The following MMS22L variants were observed in gnomAD, a reference collection of about 807,000 sequenced individuals.
MMS22L encodes the protein protein MMS22-like.
In MMS22L, 74 loss-of-function variants were observed where a neutral mutation model predicts 159.1. The ratio of observed to expected loss-of-function variants is 0.47; its 90% CI spans 0.39 to 0.56. The LOEUF (loss-of-function observed/expected upper bound fraction) is 0.56. Among genes scored for constraint, MMS22L ranks in the 20% least tolerant of loss-of-function variants. The probability of loss-of-function intolerance (pLI) is 0.00; values close to 1 mark genes in which losing one functional copy is unlikely to be tolerated. For synonymous variants in MMS22L, 517 were observed against 506.9 expected (o/e 1.02, Z -0.27); for missense variants, 1,351 against 1,422.1 (o/e 0.95, Z 0.80).
intron 14 of MMS22L, among the ~76,000 whole-genome samples, chr6:97,212,366 T>C (rs1808476641): frequency 3.3e-5 from 5 of 152,218 alleles, no homozygotes; most frequent in Admixed American, 3.3e-4. Flanking sequence ...AAGCAATTTA[T>C]GTACTTAAAG....
intron 14 of MMS22L, among the ~76,000 whole-genome samples, chr6:97,213,200 A>C (rs947297138): frequency 2.6e-5 from 4 of 152,164 alleles, no homozygotes; most frequent in African/African-American, 9.7e-5. Flanking sequence ...TGAGGTCGGG[A>C]GTTCAAGACC....
Position 97,151,793 on chromosome 6 carries a change from A to G in MMS22L, c.3460T>C (p.Ser1154Pro), listed in dbSNP as rs1166329371. Reference protein sequence around the residue: ...CQVGSEEEPSSQLTSVFRQFI... With the variant: ...CQVGSEEEPSPQLTSVFRQFI... ...TACCTAAACACAGAAGTCAGCTGGG[A>G]GGAAGGTTCTTCTTCTGACCCCACT... The change falls in exon 23 of 25, where the codon TCC becomes CCC. Residue 1154 changes from serine to proline, a missense_variant. Transcript: ENST00000683635. 2 of 1,613,658 alleles carry G rather than the reference A, an allele frequency of 1.2e-6. No individual in the cohort carries two copies. The highest frequency in any genetic ancestry group is 1.7e-6 in the Non-Finnish European group (2 of 1,179,654).
In MMS22L at chr6:97,232,185, T is replaced by C. The variant is rs773446507; in HGVS notation, c.1303-533A>G. Among the ~76,000 whole-genome samples the C allele has an allele frequency of 3.9e-5, 6 of 152,130 alleles. 1 individual carries two copies. The highest frequency in any genetic ancestry group is 4.1e-4 in the South Asian group (2 of 4,826). ...AGTACTAAGTAGTTCCTATTGCATTTAGTAAAAAGGCACATAAGTTCTGAC... is the reference window on the plus strand; with the variant it reads ...AGTACTAAGTAGTTCCTATTGCATTCAGTAAAAAGGCACATAAGTTCTGAC... On this transcript the variant is annotated intron_variant, in intron 12 of 24. Transcript: ENST00000683635.
intron 21 of MMS22L, among the ~76,000 whole-genome samples, chr6:97,163,241 G>A (rs1802627098): frequency 1.3e-5 from 2 of 151,890 alleles, no homozygotes; most frequent in African/African-American, 2.4e-5. Context: ...AAAGCAAGAG[G>A]CCCACCATGG....
chr6:97,240,618 C>G (rs963232536), intron 11 of MMS22L, among the ~76,000 whole-genome samples: 1 of 144,006 alleles, frequency 6.9e-6, no homozygotes, highest in Admixed American at 7.2e-5. Flanking sequence ...ACACTGTACC[C>G]AAAGTATGGT....
At chr6:97,200,950 G>T (rs781556559) in intron 14 of MMS22L, among the ~76,000 whole-genome samples, 3 of 152,110 alleles carry the variant, frequency 2.0e-5, no homozygotes, top group Non-Finnish European at 4.4e-5. Context: ...CCCATTGTTT[G>T]TAACTGCCAG....
At chr6:97,227,854 G>A (rs1172185723) in intron 14 of MMS22L, among the ~76,000 whole-genome samples, 2 of 152,174 alleles carry the variant, frequency 1.3e-5, no homozygotes, top group African/African-American at 2.4e-5. Flanking sequence ...TGTGAAAAGT[G>A]CCTAAAGGCA....
At chr6:97,268,132 A>G (rs9374458) in intron 7 of MMS22L, 130 bp from the exon 8 acceptor site, 186,955 of 598,462 alleles carry the variant, frequency 0.31, 35,843 homozygotes, top group East Asian at 0.78. Flanking sequence ...CAAATAAAAT[A>G]TGAATTTGAG....
At chr6:97,198,450 A>AGAATCT (rs1806783538) in intron 14 of MMS22L, among the ~76,000 whole-genome samples, 1 of 152,184 alleles carries the variant, frequency 6.6e-6, no homozygotes, top group East Asian at 1.9e-4. Flanking sequence ...CCTGACCTAC[A>AGAATCT]GAATCTGTAA....
At chr6:97,153,856 A>T (rs1032827825) in intron 22 of MMS22L, among the ~76,000 whole-genome samples, 5 of 152,198 alleles carry the variant, frequency 3.3e-5, no homozygotes, top group Non-Finnish European at 1.5e-5. Flanking sequence ...AAAATTTTTA[A>T]ATTGATCCAT....
chr6:97,278,131 C>T (rs1308556589), intron 4 of MMS22L, among the ~76,000 whole-genome samples: 1 of 152,094 alleles, frequency 6.6e-6, no homozygotes, highest in South Asian at 2.1e-4. Context: ...GCTATACATG[C>T]GGTGGCTCAT....
At chr6:97,279,785 CAAA>C (rs760977110) in intron 3 of MMS22L, among the ~76,000 whole-genome samples, 5 of 81,326 alleles carry the variant, frequency 6.1e-5, no homozygotes, top group African/African-American at 4.8e-5. Context: ...GACACCCTCT[CAAA>C]AAAAAAAAAA....
chr6:97,169,403 G>A (rs372865849), intron 19 of MMS22L, among the ~76,000 whole-genome samples: 1 of 152,138 alleles, frequency 6.6e-6, no homozygotes, highest in African/African-American at 2.4e-5. Flanking sequence ...AAGCACAGTG[G>A]TACATCTACT....
In MMS22L at chr6:97,216,829, C is replaced by T. The variant is rs548802279; in HGVS notation, c.2039+12065G>A. ...AGATTGGGAAAAGTAGCTTTTGCCT[C>T]ATCCCATCATCTTTTGATTTATTGC... On this transcript the variant is annotated intron_variant, in intron 14 of 24. Coordinates refer to ENST00000683635, the MANE Select transcript of MMS22L (RefSeq NM_001350599.2). 2.0e-5 allele frequency among the ~76,000 whole-genome samples: 3 copies of T among 152,320 alleles called. No individual in the cohort carries two copies. In the South Asian group the frequency reaches 6.2e-4, roughly 32 times the overall value.
At chr6:97,208,128 T>C (rs997960844) in intron 14 of MMS22L, among the ~76,000 whole-genome samples, 1 of 152,200 alleles carries the variant, frequency 6.6e-6, no homozygotes, top group Non-Finnish European at 1.5e-5. Flanking sequence ...ACCTGAGTCA[T>C]CAGATCATTC....
rs762220821 is a variant in MMS22L, at chr6:97,278,839, T to C, written c.340+10A>G. On this transcript the variant is annotated intron_variant, in intron 4 of 24. Coordinates refer to ENST00000683635, the MANE Select transcript of MMS22L (RefSeq NM_001350599.2). ...CATTCCCTTTTGCATTAAACACACC[T>C]TAAACTTACCAAAATCACAACTGGA... 2 of 1,612,562 alleles carry C rather than the reference T, an allele frequency of 1.2e-6. No individual in the cohort carries two copies. The highest frequency in any genetic ancestry group is 1.1e-5 in the South Asian group (1 of 90,646).
chr6:97,155,558 G>A (rs1410680339), intron 22 of MMS22L, among the ~76,000 whole-genome samples: 5 of 152,090 alleles, frequency 3.3e-5, no homozygotes, highest in African/African-American at 7.2e-5. Context: ...GTGAGAACAC[G>A]CGGTGTTTGG....
intron 3 of MMS22L, among the ~76,000 whole-genome samples, chr6:97,279,127 C>CAT (rs1816512078): frequency 6.6e-6 from 1 of 152,148 alleles, no homozygotes; most frequent in Non-Finnish European, 1.5e-5. Flanking sequence ...TTAAAGACTG[C>CAT]ATATATCTCA....
intron 22 of MMS22L, among the ~76,000 whole-genome samples, chr6:97,153,664 C>T (rs957310473): frequency 6.6e-6 from 1 of 152,136 alleles, no homozygotes; most frequent in Non-Finnish European, 1.5e-5. Context: ...AGCCACCATG[C>T]CTAGACCTGT....
Sources: gnomAD v4.1 joint callset for allele counts (sites outside exome capture counted in the v4.1 genomes callset) on GRCh38, gnomAD v4.1.1 for gene constraint, MANE v1.5 for transcripts, NCBI Gene and HGNC (gene_info 2026-07-23, HGNC 2026-07-21) for gene names.